NEBL: variants seen among roughly 807,000 people sequenced by gnomAD.
NEBL encodes the protein LIM and SH3 protein 2.
A neutral mutation model predicts 140.2 loss-of-function variants in NEBL; 122 were observed. The observed-to-expected ratio is 0.87, with a 90% CI of 0.75 to 1.01. The LOEUF is 1.01. Ranked by LOEUF, NEBL falls within the 50% of genes least tolerant of loss-of-function variation. The pLI, the probability that NEBL is intolerant of heterozygous loss-of-function variation, is 0.00. For synonymous variants in NEBL, 436 were observed against 398.9 expected, an observed-to-expected ratio of 1.09 and a Z score of -1.11; for missense variants, 1,365 against 1,231.3, an observed-to-expected ratio of 1.11 and a Z score of -1.62.
rs532035997 is a variant in NEBL, at chr10:20,872,748, G to C, written c.481-2907C>G. 5.3e-5 allele frequency among the ~76,000 whole-genome samples: 8 copies of C among 152,288 alleles called. No homozygotes were observed. The East Asian group carries it at 1.5e-3, about 29-fold the overall frequency. On this transcript the variant is annotated intron_variant, in intron 5 of 27. Transcript: ENST00000377122. ...CCCACCAAAACCAAGATGGCGACGA[G>C]AGTGACCTCTGGTCATCCTCAGTGC... is the stretch of plus-strand genomic sequence containing the variant.
intron 2 of NEBL, among the ~76,000 whole-genome samples, chr10:21,078,793 CAG>C (rs1413775807): frequency 6.6e-6 from 1 of 152,130 alleles, no homozygotes; most frequent in Non-Finnish European, 1.5e-5. Flanking sequence ...GAGTAAGAGA[CAG>C]AGATATTTGG....
chr10:21,056,135 A>C (rs918394896), intron 2 of NEBL, among the ~76,000 whole-genome samples: 2 of 152,200 alleles, frequency 1.3e-5, no homozygotes, highest in Non-Finnish European at 2.9e-5. Context: ...ATGATGTAGG[A>C]TGATTATCTG....
chr10:20,808,500 T>C lies in NEBL; in HGVS notation c.2761+10A>G. 1 of 1,613,704 alleles carries C rather than the reference T, an allele frequency of 6.2e-7. No individual in the cohort carries two copies. The highest frequency in any genetic ancestry group is 2.2e-5 in the East Asian group (1 of 44,844). On this transcript the variant is annotated intron_variant, in intron 26 of 27. Coordinates refer to ENST00000377122, the MANE Select transcript of NEBL (RefSeq NM_006393.3). ...ATCGATTTTCTTTGTAAGCAGTGAATGTTTGATACCTCCTTCATCAGACGG... is the reference window on the plus strand; with the variant it reads ...ATCGATTTTCTTTGTAAGCAGTGAACGTTTGATACCTCCTTCATCAGACGG...
chr10:20,867,339 CAATCAGACT>C (rs1252509272), intron 7 of NEBL, among the ~76,000 whole-genome samples: 2 of 152,090 alleles, frequency 1.3e-5, no homozygotes, highest in Non-Finnish European at 2.9e-5. Flanking sequence ...TTATGCTCTT[CAATCAGACT>C]TCATACCTTT....
Position 21,169,065 on chromosome 10 carries a change from AAAATATATATATATAT to A in NEBL, c.164+3302_164+3317del, listed in dbSNP as rs1489614168. Among the ~76,000 whole-genome samples, 109 of 28,570 alleles carry A rather than the reference AAAATATATATATATAT, an allele frequency of 3.8e-3. 5 individuals are homozygous for A. The highest frequency in any genetic ancestry group is 0.011 in the African/African-American group (93 of 8,728). The allele number at this position is 28,570 out of a possible 152,430, so 18.7% of individuals were successfully genotyped here. A position where few individuals can be genotyped will look rare whatever the true frequency, so the allele number is the denominator to read the frequency against. On this transcript the variant is annotated intron_variant, in intron 2 of 6. Coordinates refer to the NEBL transcript ENST00000417816. ...CTCCGTCTACAAAAAAAAAAAAAAA[AAAATATATATATATAT>A]ATATATATATATATATATATATATA... is the stretch of plus-strand genomic sequence containing the variant.
intron 3 of NEBL, among the ~76,000 whole-genome samples, chr10:21,215,870 C>T (rs139598738): frequency 1.3e-5 from 2 of 152,214 alleles, no homozygotes; most frequent in African/African-American, 4.8e-5. Context: ...AGGGTCTTGC[C>T]ATGTTGCTCA....
chr10:21,155,992 A>G lies in NEBL; in HGVS notation c.164+16391T>C, dbSNP rs118132570. On this transcript the variant is annotated intron_variant, in intron 2 of 6. Coordinates refer to the NEBL transcript ENST00000417816. ...CAAAAGCAATATTGGGAACAGCCCT[A>G]CAGTCTCCAGCAGGGCCCAGACCCC... 6.2e-3 allele frequency among the ~76,000 whole-genome samples: 943 copies of G among 152,334 alleles called. 44 individuals are homozygous for G. The East Asian group carries it at 0.12, about 20-fold the overall frequency.
chr10:21,013,332 C>T (rs751548533), intron 3 of NEBL, among the ~76,000 whole-genome samples: 2 of 152,160 alleles, frequency 1.3e-5, no homozygotes, highest in Admixed American at 6.5e-5. Flanking sequence ...TCCCAATGAA[C>T]TTTAACCATT....
At chr10:20,979,216 G>C (rs1788376945) in intron 3 of NEBL, among the ~76,000 whole-genome samples, 1 of 152,002 alleles carries the variant, frequency 6.6e-6, no homozygotes, top group African/African-American at 2.4e-5. Flanking sequence ...CCAGGAGTTG[G>C]AGACCAGCCT....
intron 4 of NEBL, among the ~76,000 whole-genome samples, chr10:20,912,664 A>C (rs57560890): frequency 6.6e-6 from 1 of 151,926 alleles, no homozygotes; most frequent in African/African-American, 2.4e-5. Flanking sequence ...AGCATTTCCT[A>C]CTTACGTTGC....
At chr10:20,812,495 G>C (rs1425357055) in intron 24 of NEBL, among the ~76,000 whole-genome samples, 1 of 111,948 alleles carries the variant, frequency 8.9e-6, no homozygotes, top group African/African-American at 3.5e-5. Flanking sequence ...AACAGGCCCT[G>C]GTGTGTGATA....
At chr10:20,959,207 A>G (rs1032126807) in intron 4 of NEBL, among the ~76,000 whole-genome samples, 2 of 152,180 alleles carry the variant, frequency 1.3e-5, no homozygotes, top group African/African-American at 2.4e-5. Flanking sequence ...ATCTTAGTTA[A>G]CCTACCTATA....
At chr10:21,044,393 AGAAT>A (rs1834409604) in intron 2 of NEBL, among the ~76,000 whole-genome samples, 1 of 132,394 alleles carries the variant, frequency 7.6e-6, no homozygotes, top group Non-Finnish European at 1.6e-5. Context: ...TGACAGAGTA[AGAAT>A]AAAAAAAAAA....
intron 2 of NEBL, among the ~76,000 whole-genome samples, chr10:21,106,973 T>G (rs1837747191): frequency 6.6e-6 from 1 of 152,210 alleles, no homozygotes; most frequent in Non-Finnish European, 1.5e-5. Flanking sequence ...TCACTCATGA[T>G]TTGGCTCTCT....
intron 1 of NEBL, among the ~76,000 whole-genome samples, chr10:21,258,161 G>A (rs1842686624): frequency 6.6e-6 from 1 of 152,050 alleles, no homozygotes. Flanking sequence ...AGTGACTCAA[G>A]CCTGTAGTCC....
intron 3 of NEBL, among the ~76,000 whole-genome samples, chr10:21,240,812 T>C (rs1017873047): frequency 1.3e-5 from 2 of 152,042 alleles, no homozygotes; most frequent in Non-Finnish European, 2.9e-5. Flanking sequence ...ATTGTAAGTT[T>C]AGAAGAAAAT....
At chr10:21,145,095 GA>G (rs765308837) in intron 2 of NEBL, among the ~76,000 whole-genome samples, 2 of 152,120 alleles carry the variant, frequency 1.3e-5, no homozygotes, top group Non-Finnish European at 2.9e-5. Context: ...ACAACCATTA[GA>G]TATTACTTTT....
chr10:20,985,528 A>G (rs1052543398), intron 3 of NEBL, among the ~76,000 whole-genome samples: 3 of 152,158 alleles, frequency 2.0e-5, no homozygotes, highest in Non-Finnish European at 4.4e-5. Flanking sequence ...GATCAAAAAA[A>G]CTCATTACCA....
intron 2 of NEBL, among the ~76,000 whole-genome samples, chr10:21,151,877 C>A (rs780583722): frequency 4.6e-4 from 70 of 152,302 alleles, no homozygotes; most frequent in Non-Finnish European, 8.5e-4. Flanking sequence ...CTCTATAGAA[C>A]ATATCCGTTT....
Sources: gnomAD v4.1 joint callset for allele counts (sites outside exome capture counted in the v4.1 genomes callset) on GRCh38, gnomAD v4.1.1 for gene constraint, MANE v1.5 for transcripts, NCBI Gene and HGNC (gene_info 2026-07-23, HGNC 2026-07-21) for gene names.